Variants in DSCAM observed in about 807,000 individuals in gnomAD.
DSCAM encodes cell adhesion molecule DSCAM.
A neutral mutation model predicts 217.7 loss-of-function variants in DSCAM; 47 were observed. That is an observed-to-expected ratio of 0.22 (90% CI 0.17 to 0.28). The LOEUF (loss-of-function observed/expected upper bound fraction) is 0.28, where lower values mean the gene tolerates loss of function less well. DSCAM is among the 10% of genes least tolerant of loss of function. The probability of loss-of-function intolerance (pLI) is 1.00; values close to 1 mark genes in which losing one functional copy is unlikely to be tolerated. For synonymous variants in DSCAM, 1,056 were observed against 1,015.3 expected (o/e 1.04, Z -0.76); for missense variants, 2,080 against 2,618.3 (o/e 0.79, Z 4.49).
chr21:40,340,360 G>GT lies in DSCAM; in HGVS notation c.1211-946dup, dbSNP rs1293073766. On this transcript the variant is annotated intron_variant, in intron 6 of 32. Coordinates refer to ENST00000400454, the MANE Select transcript of DSCAM (RefSeq NM_001389.5). ...CCATTATTTTTCTATCATCCATATG[G>GT]TTTTTTCTCTTATATAGTAATAGTT... Among the ~76,000 whole-genome samples the GT allele has an allele frequency of 5.3e-5, 8 of 152,094 alleles. No individual in the cohort carries two copies. The South Asian group carries it at 6.2e-4, about 12-fold the overall frequency.
At chr21:40,734,798 T>C (rs150785467) in intron 1 of DSCAM, among the ~76,000 whole-genome samples, 70 of 152,336 alleles carry the variant, frequency 4.6e-4, no homozygotes, top group Non-Finnish European at 9.0e-4. Context: ...ACTCTGAGGG[T>C]TGTTTTCCTG....
At chr21:40,314,508 T>C (rs2074175006) in intron 8 of DSCAM, among the ~76,000 whole-genome samples, 1 of 152,200 alleles carries the variant, frequency 6.6e-6, no homozygotes, top group Admixed American at 6.5e-5. Flanking sequence ...CGTTCTCAGT[T>C]GGAATGTGCT....
chr21:40,357,530 A>G (rs1214398744), intron 4 of DSCAM, among the ~76,000 whole-genome samples: 1 of 152,220 alleles, frequency 6.6e-6, no homozygotes, highest in Non-Finnish European at 1.5e-5. Context: ...AATTCCTAGT[A>G]CACTAACTTG....
chr21:40,416,006 A>G (rs1601625354), intron 3 of DSCAM, among the ~76,000 whole-genome samples: 1 of 152,178 alleles, frequency 6.6e-6, no homozygotes, highest in East Asian at 1.9e-4. Flanking sequence ...AAATAGGCAA[A>G]AGAGGTTATT....
At chr21:40,617,754 T>A (rs1181726661) in intron 3 of DSCAM, among the ~76,000 whole-genome samples, 1 of 152,194 alleles carries the variant, frequency 6.6e-6, no homozygotes, top group Non-Finnish European at 1.5e-5. Flanking sequence ...AAACTTGTGC[T>A]CAGTTGAGGA....
chr21:40,597,799 A>C (rs2077033205), intron 3 of DSCAM, among the ~76,000 whole-genome samples: 1 of 152,164 alleles, frequency 6.6e-6, no homozygotes, highest in Admixed American at 6.5e-5. Flanking sequence ...GGCGTGAGCC[A>C]CAGTGCCCGG....
At chr21:40,108,096 T>G (rs2089844870) in intron 20 of DSCAM, among the ~76,000 whole-genome samples, 1 of 152,172 alleles carries the variant, frequency 6.6e-6, no homozygotes, top group African/African-American at 2.4e-5. Flanking sequence ...CCTTGAAAAC[T>G]GGCACAAGAC....
intron 16 of DSCAM, among the ~76,000 whole-genome samples, chr21:40,159,768 A>G (rs1014368029): frequency 8.5e-5 from 13 of 152,148 alleles, no homozygotes; most frequent in Admixed American, 8.5e-4. Context: ...TTTTTAATAG[A>G]GATAGGGTTT....
chr21:40,445,173 C>T (rs888298181), intron 3 of DSCAM, among the ~76,000 whole-genome samples: 1 of 152,168 alleles, frequency 6.6e-6, no homozygotes, highest in African/African-American at 2.4e-5. Context: ...GTGGAGTTCT[C>T]ATGTCTTAAT....
At chr21:40,363,746 T>C (rs970987912) in intron 4 of DSCAM, among the ~76,000 whole-genome samples, 1 of 152,110 alleles carries the variant, frequency 6.6e-6, no homozygotes, top group African/African-American at 2.4e-5. Context: ...ACAGGCAACC[T>C]ACAGAATAGG....
chr21:40,765,049 G>A (rs562045380), intron 1 of DSCAM, among the ~76,000 whole-genome samples: 1 of 151,722 alleles, frequency 6.6e-6, no homozygotes, highest in South Asian at 2.1e-4. Flanking sequence ...AACCACCATG[G>A]CACATGTGTA....
intron 29 of DSCAM, among the ~76,000 whole-genome samples, chr21:40,053,906 G>A (rs185826788): frequency 3.0e-4 from 46 of 152,260 alleles, no homozygotes; most frequent in South Asian, 4.1e-4. Context: ...CTAGTGAGAC[G>A]CATTTAGCAA....
chr21:40,543,244 A>C (rs1295010144), intron 3 of DSCAM, among the ~76,000 whole-genome samples: 6 of 151,880 alleles, frequency 4.0e-5, no homozygotes, highest in Non-Finnish European at 8.8e-5. Flanking sequence ...CACCTCCAAC[A>C]CCCCAAAGGC....
chr21:40,317,142 G>A (rs375741746), intron 8 of DSCAM, among the ~76,000 whole-genome samples: 16 of 152,334 alleles, frequency 1.1e-4, no homozygotes, highest in African/African-American at 3.6e-4. Flanking sequence ...TCAGTGCAAG[G>A]CGTGACTCCG....
Position 40,121,681 on chromosome 21 carries a change from C to CTTTTTTTTTTTTTTTTTTT in DSCAM, c.3696+2495_3696+2513dup, listed in dbSNP as rs201672838. 1.0e-3 allele frequency among the ~76,000 whole-genome samples: 77 copies of CTTTTTTTTTTTTTTTTTTT among 73,752 alleles called. 8 individuals carry two copies. Among genetic ancestry groups the CTTTTTTTTTTTTTTTTTTT allele is most frequent in the African/African-American group, 2.9e-3 (51 of 17,400 alleles). 48.4% of individuals were successfully genotyped at this position (73,752 alleles called of 152,430 possible). A position where few individuals can be genotyped will look rare whatever the true frequency, so the allele number is the denominator to read the frequency against. On this transcript the variant is annotated intron_variant, in intron 20 of 32. Coordinates refer to ENST00000400454, the MANE Select transcript of DSCAM (RefSeq NM_001389.5). ...CTGGTGGGTTTGCTCTCATTACTGT[C>CTTTTTTTTTTTTTTTTTTT]TTTTTTTTTTTTTTTTTTTTTTTTT... is the stretch of plus-strand genomic sequence containing the variant.
chr21:40,350,093 C>A (rs543035719), intron 5 of DSCAM, among the ~76,000 whole-genome samples: 1 of 151,926 alleles, frequency 6.6e-6, no homozygotes, highest in Non-Finnish European at 1.5e-5. Flanking sequence ...GGGATACATG[C>A]GCTGAACCTA....
intron 3 of DSCAM, among the ~76,000 whole-genome samples, chr21:40,509,049 T>C (rs2076237677): frequency 6.6e-6 from 1 of 151,958 alleles, no homozygotes; most frequent in Non-Finnish European, 1.5e-5. Flanking sequence ...ATGGATGAGC[T>C]CCCTAATACC....
chr21:40,595,479 T>C (rs1054757542), intron 3 of DSCAM, among the ~76,000 whole-genome samples: 1 of 152,110 alleles, frequency 6.6e-6, no homozygotes, highest in Non-Finnish European at 1.5e-5. Flanking sequence ...GAAAGGCACA[T>C]ACTGGGTTTC....
At chr21:40,382,047 A>T (rs1452623180) in intron 3 of DSCAM, among the ~76,000 whole-genome samples, 1 of 152,224 alleles carries the variant, frequency 6.6e-6, no homozygotes, top group African/African-American at 2.4e-5. Flanking sequence ...ATGTTTGAAG[A>T]GCCTTTTTCA....
Sources: allele counts gnomAD v4.1 joint callset (sites outside exome capture counted in the v4.1 genomes callset), GRCh38; gene constraint gnomAD v4.1.1; transcripts MANE v1.5; gene names NCBI Gene and HGNC (gene_info 2026-07-23, HGNC 2026-07-21).